SYN1: variants seen among roughly 807,000 people sequenced by gnomAD.
The protein encoded by SYN1 is synapsin I, also known as synapsin-1.
In SYN1, 8 loss-of-function variants were observed where a neutral mutation model predicts 44.6. That is an observed-to-expected ratio of 0.18 (90% CI 0.11 to 0.32). The LOEUF (loss-of-function observed/expected upper bound fraction) is 0.32, where lower values mean the gene tolerates loss of function less well. SYN1 is among the 10% of genes least tolerant of loss of function. SYN1 has a pLI of 1.00. For missense variants in SYN1, 451 were observed against 639.4 expected, an observed-to-expected ratio of 0.71 and a Z score of 3.18; for synonymous variants, 275 against 280.1, an observed-to-expected ratio of 0.98 and a Z score of 0.18.
At chrX:47,576,283 C>T (rs760496418) in intron 8 of SYN1, 49 bp downstream of exon 8, 16 of 1,203,374 alleles carry the variant, frequency 1.3e-5, no homozygotes, top group South Asian at 1.3e-4. Flanking sequence ...CCTGAGCTGT[C>T]GTGCTCCCAC....
intron 5 of SYN1, among the ~76,000 whole-genome samples, chrX:47,602,489 A>C (rs1232088426): frequency 9.0e-6 from 1 of 111,161 alleles, no homozygotes; most frequent in East Asian, 2.8e-4. Flanking sequence ...TAAAAATACA[A>C]AAAGTAGCTG....
intron 1 of SYN1, among the ~76,000 whole-genome samples, chrX:47,613,081 C>G (rs2057920919): frequency 1.0e-5 from 1 of 97,869 alleles, no homozygotes; most frequent in Non-Finnish European, 2.0e-5. Flanking sequence ...TGCACTGAGC[C>G]AAGATCGTGC....
chrX:47,602,647 A>C (rs1185956746), intron 5 of SYN1, among the ~76,000 whole-genome samples: 1 of 111,404 alleles, frequency 9.0e-6, no homozygotes, highest in Admixed American at 9.5e-5. Flanking sequence ...CCTCAAAAAA[A>C]AAAAAGAAAA....
chrX:47,590,203 GA>G (rs1403196035), intron 5 of SYN1: 7 of 111,277 alleles, frequency 6.3e-5, no homozygotes, highest in African/African-American at 2.3e-4. Flanking sequence ...GTGGCTCACA[GA>G]AGCACCTGAA....
At chrX:47,576,015 T>C in intron 9 of SYN1, 116 bp downstream of exon 9, 1 of 758,493 alleles carries the variant, frequency 1.3e-6, no homozygotes, top group Non-Finnish European at 2.0e-6. Flanking sequence ...CCTTACAGTG[T>C]ACTAAGCACA....
At chrX:47,607,063 T>C (rs1226928158) in intron 2 of SYN1, 27 bp from the exon 3 acceptor site, 1 of 1,204,420 alleles carries the variant, frequency 8.3e-7, no homozygotes, top group Non-Finnish European at 1.1e-6. Context: ...AACTGGTGAT[T>C]CACCTACATC....
Position 47,576,354 on chromosome X carries a change from C to T in SYN1, c.1033G>A (p.Glu345Lys), listed in dbSNP as rs990025923. ...WKTNTGSAML[E>K]QIAMSDRYKL... ...CACCTGTCAGACATGGCAATTTGCT[C>T]CAGCATCGCAGAGCCAGTATTGGTC... The change falls in exon 8 of 13, where the codon GAG becomes AAG. Residue 345 changes from glutamate to lysine, a missense_variant. By Grantham distance (56) the Glu-to-Lys change is moderately conservative. This residue lies in a region of SYN1 where 315 missense variants were observed against 451.4 expected (regional missense o/e 0.70). Coordinates refer to ENST00000295987, the MANE Select transcript of SYN1 (RefSeq NM_006950.3). The T allele has an allele frequency of 8.3e-7, 1 of 1,211,833 alleles. No homozygotes were observed. The highest frequency in any genetic ancestry group is 1.1e-6 in the Non-Finnish European group (1 of 895,553).
intron 5 of SYN1, among the ~76,000 whole-genome samples, chrX:47,581,788 T>A (rs1236900722): frequency 8.9e-6 from 1 of 111,883 alleles, no homozygotes; most frequent in Non-Finnish European, 1.9e-5. Flanking sequence ...GCTATTTGCC[T>A]GTGTTATTTG....
At position 47,619,778 on chromosome X, in the gene SYN1, C is replaced by CG. The variant is rs2057942735; in HGVS notation, c.-51dup. Reference sequence around the variant, plus strand: ...CTAGGGGTGGTCTGGCCAGGAGCCGCGGGGGCGGACTGCGCGGTGCCCAGG... The same window carrying CG: ...CTAGGGGTGGTCTGGCCAGGAGCCGCGGGGGGCGGACTGCGCGGTGCCCAGG... On this transcript the variant is annotated 5_prime_UTR_variant, in exon 1 of 13. Transcript: ENST00000295987. 1.8e-6 allele frequency: 2 copies of CG among 1,127,975 alleles called. No individual in the cohort carries two copies. The highest frequency in any genetic ancestry group is 2.4e-6 in the Non-Finnish European group (2 of 846,725). 93.0% of individuals were successfully genotyped at this position (1,127,975 alleles called of 1,213,427 possible).
intron 5 of SYN1, chrX:47,585,219 CCAAGCCTTAGGGGA>C: frequency 8.4e-7 from 1 of 1,192,809 alleles, no homozygotes; most frequent in Non-Finnish European, 1.1e-6. Flanking sequence ...ATAAAGGGTT[CCAAGCCTTAGGGGA>C]TGCCGCTGAC....
At position 47,605,460 on chromosome X, in the gene SYN1, T is replaced by C. The variant is rs1273283476; in HGVS notation, c.528-81A>G. 20 of 1,107,288 alleles carry C rather than the reference T, an allele frequency of 1.8e-5. No homozygotes were observed. The Admixed American group carries it at 4.2e-4, about 23-fold the overall frequency. 91.3% of individuals were successfully genotyped at this position (1,107,288 alleles called of 1,213,427 possible). A position where few individuals can be genotyped will look rare whatever the true frequency, so the allele number is the denominator to read the frequency against. On this transcript the variant is annotated intron_variant, in intron 3 of 12. Transcript: ENST00000295987. Reference sequence around the variant, plus strand: ...TCGAAACAAAGACCAAGTTTTTAAATCTCCATAGCTCCCAGAAATTGCAAA... The same window carrying C: ...TCGAAACAAAGACCAAGTTTTTAAACCTCCATAGCTCCCAGAAATTGCAAA...
At position 47,572,861 on chromosome X, in the gene SYN1, G is replaced by T; in HGVS notation, c.*3C>A. 8.3e-7 allele frequency: 1 copy of T among 1,211,550 alleles called. No homozygotes were observed. Among genetic ancestry groups the T allele is most frequent in the East Asian group, 3.0e-5 (1 of 33,837 alleles). ...GGGATTTTGGGGTTCTCAGAGTGGG[G>T]TATCAGTCGGAGAAGAGGCTGGCGA... On this transcript the variant is annotated 3_prime_UTR_variant, in exon 13 of 13. Transcript: ENST00000295987.
chrX:47,618,485 G>A (rs914281755), intron 1 of SYN1, among the ~76,000 whole-genome samples: 6 of 112,064 alleles, frequency 5.4e-5, no homozygotes, highest in Non-Finnish European at 1.1e-4. Context: ...TGTAGGGAAA[G>A]GTCTTTGAGG....
In SYN1 at chrX:47,605,312, G is replaced by A. The variant is rs757776027; in HGVS notation, c.595C>T (p.Arg199Cys). Residue 199 changes from arginine to cysteine, a missense_variant, in exon 4 of 13, where the codon CGC becomes TGC. Transcript: ENST00000295987. Reference sequence around the variant, plus strand: ...TACTGCAGCCCAATGACCAAACTGCGGTAGTCTCCGTTGCGTGCCATGCTG... The same window carrying A: ...TACTGCAGCCCAATGACCAAACTGCAGTAGTCTCCGTTGCGTGCCATGCTG... ...AFSMARNGDY[R>C]SLVIGLQYAG... The A allele has an allele frequency of 2.5e-6, 3 of 1,210,737 alleles. No individual in the cohort carries two copies. Among genetic ancestry groups the A allele is most frequent in the Non-Finnish European group, 2.2e-6 (2 of 895,014 alleles).
intron 6 of SYN1, among the ~76,000 whole-genome samples, chrX:47,576,872 A>G (rs2057779369): frequency 8.9e-6 from 1 of 111,841 alleles, no homozygotes; most frequent in Non-Finnish European, 1.9e-5. Context: ...AATGTATTGG[A>G]TTGTCTACTT....
In SYN1 at chrX:47,575,171, T is replaced by G; in HGVS notation, c.1262A>C (p.Gln421Pro). 1 of 1,194,752 alleles carries G rather than the reference T, an allele frequency of 8.4e-7. No homozygotes were observed. The highest frequency in any genetic ancestry group is 1.1e-6 in the Non-Finnish European group (1 of 886,918). ...GCCAGGGGAGGCATCCCGCTGTCGC[T>G]GCCGGGGCAGGGCCTGAGCCATCTT... ...VNKMAQALPR[Q>P]RQRDASPGRG... The change falls in exon 10 of 13, where the codon CAG (glutamine) becomes CCG (proline). Residue 421 changes from glutamine to proline, a missense_variant. Transcript: ENST00000295987.
intron 5 of SYN1, among the ~76,000 whole-genome samples, chrX:47,580,618 C>T (rs1341396383): frequency 3.3e-5 from 3 of 92,042 alleles, no homozygotes; most frequent in Middle Eastern, 7.6e-3. Flanking sequence ...GAAACAAGAT[C>T]GAAACTCTGT....
intron 1 of SYN1, among the ~76,000 whole-genome samples, chrX:47,615,720 C>T (rs983587683): frequency 9.0e-6 from 1 of 111,092 alleles, no homozygotes; most frequent in Non-Finnish European, 1.9e-5. Context: ...GCCTGACCAA[C>T]ATGGTGAAAC....
intron 5 of SYN1, chrX:47,586,169 C>A: frequency 1.0e-6 from 1 of 952,923 alleles, no homozygotes; most frequent in Non-Finnish European, 1.3e-6. Context: ...TATCTTGAAG[C>A]CCCACTGGCT....
Sources: gnomAD v4.1 joint callset for allele counts (sites outside exome capture counted in the v4.1 genomes callset) on GRCh38, gnomAD v4.1.1 for gene constraint, gnomAD v4.1.1 regional missense constraint, MANE v1.5 for transcripts, NCBI Gene and HGNC (gene_info 2026-07-23, HGNC 2026-07-21) for gene names.